PRPF19: variants seen among roughly 807,000 people sequenced by gnomAD.
PRPF19 encodes the protein pre-mRNA-processing factor 19.
A neutral mutation model predicts 64.2 loss-of-function variants in PRPF19; 2 were observed. The observed-to-expected ratio is 0.03, with a 90% CI of 0.01 to 0.10. The LOEUF is 0.10. Ranked by LOEUF, PRPF19 falls within the 10% of genes least tolerant of loss-of-function variation. The pLI is 1.00. For synonymous variants in PRPF19, 226 were observed against 251.6 expected (o/e 0.90, Z 0.96); for missense variants, 314 against 650.0 (o/e 0.48, Z 5.62).
At chr11:60,900,790 G>A in intron 9 of PRPF19, 64 bp downstream of exon 9, 3 of 1,600,874 alleles carry the variant, frequency 1.9e-6, no homozygotes, top group Non-Finnish European at 1.7e-6. Flanking sequence ...AGAGGACAAG[G>A]AGCATGCGCC....
In PRPF19 at chr11:60,901,275, G is replaced by A. The variant is rs367684461; in HGVS notation, c.642+20C>T. 1 of 1,612,594 alleles carries A rather than the reference G, an allele frequency of 6.2e-7. No homozygotes were observed. The highest frequency in any genetic ancestry group is 8.5e-7 in the Non-Finnish European group (1 of 1,179,092). ...AAACGGGAGGGCTGTCTCCAAGACAGTGGAGACCCAGACACTCACCACGTG... is the reference window on the plus strand; with the variant it reads ...AAACGGGAGGGCTGTCTCCAAGACAATGGAGACCCAGACACTCACCACGTG... On this transcript the variant is annotated intron_variant, in intron 8 of 15. Transcript: ENST00000227524.
intron 15 of PRPF19, among the ~76,000 whole-genome samples, chr11:60,896,449 C>T (rs572468281): frequency 7.0e-4 from 106 of 152,146 alleles, no homozygotes; most frequent in Non-Finnish European, 1.3e-3. Flanking sequence ...ATAATCCCCA[C>T]GTGTTGTGGG....
Position 60,898,309 on chromosome 11 carries a change from G to C in PRPF19, c.1141-38C>G, listed in dbSNP as rs201756302. 1 of 1,599,894 alleles carries C rather than the reference G, an allele frequency of 6.3e-7. No homozygotes were observed. The highest frequency in any genetic ancestry group is 8.5e-7 in the Non-Finnish European group (1 of 1,173,432). On this transcript the variant is annotated intron_variant, in intron 13 of 15. Coordinates refer to ENST00000227524, the MANE Select transcript of PRPF19 (RefSeq NM_014502.5). The surrounding 1 kb of genome is among the most constrained non-coding windows in gnomAD (Gnocchi z 4.6). ...TGGGTAGTAAAATACGTCACCCACA[G>C]ATCATGAGAGGAAGAAAATGGGGCT...
chr11:60,902,813 G>A lies in PRPF19; in HGVS notation c.315C>T (p.His105=), dbSNP rs370867591. The change falls in exon 4 of 16, where the codon CAC becomes CAT. Residue 105 remains histidine, a synonymous_variant. Transcript: ENST00000227524. The surrounding 1 kb of genome is among the most constrained non-coding windows in gnomAD (Gnocchi z 5.0). ...QLQTTRQELS[H]ALYQHDAACR... ...AGGCGGCATCGTGCTGGTACAGAGC[G>A]TGTGACAGCTCTTGGCGGGTTGTCT... is the stretch of plus-strand genomic sequence containing the variant. The A allele has an allele frequency of 7.9e-5, 127 of 1,614,142 alleles. No individual in the cohort carries two copies. The highest frequency in any genetic ancestry group is 2.0e-4 in the East Asian group (9 of 44,876).
chr11:60,895,477 G>A (rs1333878773), intron 15 of PRPF19, among the ~76,000 whole-genome samples: 1 of 152,228 alleles, frequency 6.6e-6, no homozygotes, highest in Non-Finnish European at 1.5e-5. Context: ...TGGCTTAAAA[G>A]AATGTTGTGG....
At chr11:60,892,310 T>C (rs1024484689) in intron 15 of PRPF19, among the ~76,000 whole-genome samples, 1 of 152,206 alleles carries the variant, frequency 6.6e-6, no homozygotes, top group Non-Finnish European at 1.5e-5. Context: ...CTTACTAACC[T>C]GACTATAAAT....
chr11:60,891,613 G>A (rs1166327632), intron 15 of PRPF19, among the ~76,000 whole-genome samples: 1 of 152,228 alleles, frequency 6.6e-6, no homozygotes. Flanking sequence ...CAGTCCATCA[G>A]CATTTTCTAG....
chr11:60,903,043 C>T (rs1414385417), intron 3 of PRPF19, among the ~76,000 whole-genome samples, 162 bp from the exon 4 acceptor site: 2 of 152,166 alleles, frequency 1.3e-5, no homozygotes, highest in African/African-American at 4.8e-5. Context: ...GGCAGACACT[C>T]TTGAGCTCCT....
intron 8 of PRPF19, 31 bp from the exon 9 acceptor site, chr11:60,900,960 C>T (rs747503749): frequency 9.3e-6 from 15 of 1,612,640 alleles, no homozygotes; most frequent in African/African-American, 5.3e-5. Flanking sequence ...AACCCTGTCA[C>T]GGCCAAATCA....
chr11:60,902,957 G>A lies in PRPF19; in HGVS notation c.247-76C>T. The A allele has an allele frequency of 6.4e-7, 1 of 1,559,480 alleles. No individual in the cohort carries two copies. Among genetic ancestry groups the A allele is most frequent in the Non-Finnish European group, 8.6e-7 (1 of 1,156,194 alleles). On this transcript the variant is annotated intron_variant, in intron 3 of 15. Coordinates refer to ENST00000227524, the MANE Select transcript of PRPF19 (RefSeq NM_014502.5). This position sits in a 1 kb window ranked among gnomAD's most constrained non-coding sequence, Gnocchi z 5.0. Reference sequence around the variant, plus strand: ...CCCAGTGGAGTCAGCCCTTGGGGAGGGGATGCTGCCTCCTATCCCAGAGCC... The same window carrying A: ...CCCAGTGGAGTCAGCCCTTGGGGAGAGGATGCTGCCTCCTATCCCAGAGCC...
At chr11:60,903,631 T>C in intron 2 of PRPF19, 81 bp downstream of exon 2, 1 of 1,584,920 alleles carries the variant, frequency 6.3e-7, no homozygotes, top group African/African-American at 1.4e-5. Context: ...CACCATCTCT[T>C]CCTCCAGTGC....
In PRPF19 at chr11:60,898,336, A is replaced by G; in HGVS notation, c.1141-65T>C. On this transcript the variant is annotated intron_variant, in intron 13 of 15. Transcript: ENST00000227524. This position sits in a 1 kb window ranked among gnomAD's most constrained non-coding sequence, Gnocchi z 4.6. Reference sequence around the variant, plus strand: ...TCATGAGAGGAAGAAAATGGGGCTCACCAAACTCCTACCTGAGATGTCCCT... The same window carrying G: ...TCATGAGAGGAAGAAAATGGGGCTCGCCAAACTCCTACCTGAGATGTCCCT... 2.5e-6 allele frequency: 4 copies of G among 1,574,146 alleles called. No homozygotes were observed. Among genetic ancestry groups the G allele is most frequent in the Non-Finnish European group, 3.5e-6 (4 of 1,158,954 alleles).
In PRPF19 at chr11:60,898,872, G is replaced by A; in HGVS notation, c.1044C>T (p.Thr348=). The A allele has an allele frequency of 6.2e-7, 1 of 1,604,258 alleles. No individual in the cohort carries two copies. The highest frequency in any genetic ancestry group is 8.5e-7 in the Non-Finnish European group (1 of 1,175,136). Residue 348 remains threonine (T), a synonymous_variant, in exon 12 of 16, where the codon ACC becomes ACT. Transcript: ENST00000227524. This position sits in a 1 kb window ranked among gnomAD's most constrained non-coding sequence, Gnocchi z 4.6. The part of the protein sequence containing the change: ...GRVLTKVTDE[T]SGCSLTCAQF... ...TATGAGGCAACTTACAGCAGCCGGA[G>A]GTCTCATCTGTCACCTTGGTGAGCA...
At chr11:60,901,041 G>A in intron 8 of PRPF19, 112 bp from the exon 9 acceptor site, 1 of 1,256,192 alleles carries the variant, frequency 8.0e-7, no homozygotes, top group South Asian at 1.3e-5. Context: ...GGGAGCAAGA[G>A]TTACTTCTAT....
chr11:60,900,985 G>T, intron 8 of PRPF19, 56 bp from the exon 9 acceptor site: 1 of 1,579,880 alleles, frequency 6.3e-7, no homozygotes, highest in Non-Finnish European at 8.7e-7. Context: ...AGGCCACAAA[G>T]CCACAGACCT....
chr11:60,899,162 G>C lies in PRPF19; in HGVS notation c.971C>G (p.Ser324Cys), dbSNP rs752820556. 3 of 1,612,896 alleles carry C rather than the reference G, an allele frequency of 1.9e-6. No individual in the cohort carries two copies. Among genetic ancestry groups the C allele is most frequent in the Non-Finnish European group, 2.5e-6 (3 of 1,179,514 alleles). The stretch of plus-strand genomic sequence containing the variant: ...CTGGGACCGCACCTGATCATCGGAG[G>C]AGCTCAGGAGATAGTCGCCAGTGGC... The part of the protein sequence containing the change: ...LHATGDYLLS[S>C]SDDQYWAFSD... Residue 324 changes from serine to cysteine, a missense_variant, in exon 11 of 16, where the codon TCC becomes TGC. Transcript: ENST00000227524.
At chr11:60,905,245 GCCC>G (rs2134867287) in intron 1 of PRPF19, 1 of 152,296 alleles carries the variant, frequency 6.6e-6, no homozygotes, top group Admixed American at 6.5e-5. Context: ...CAATGCAGAT[GCCC>G]CCAGGGCACT....
At chr11:60,893,376 C>T (rs891366368) in intron 15 of PRPF19, among the ~76,000 whole-genome samples, 1 of 151,828 alleles carries the variant, frequency 6.6e-6, no homozygotes, top group Non-Finnish European at 1.5e-5. Context: ...TGGTGGCACA[C>T]GCCTGAAGTC....
chr11:60,903,951 G>C, intron 1 of PRPF19, 90 bp from the exon 2 acceptor site: 3 of 1,479,598 alleles, frequency 2.0e-6, no homozygotes, highest in Non-Finnish European at 2.7e-6. Context: ...AACAAGACTA[G>C]GCATCCTCAC....
Sources: gnomAD v4.1 joint callset for allele counts (sites outside exome capture counted in the v4.1 genomes callset) on GRCh38, gnomAD v4.1.1 for gene constraint, Gnocchi (gnomAD v3.1) non-coding constraint, MANE v1.5 for transcripts, NCBI Gene and HGNC (gene_info 2026-07-23, HGNC 2026-07-21) for gene names.